Variants in PHF20 observed in about 807,000 individuals in gnomAD.
The protein encoded by PHF20 is glioma-expressed antigen 2.
PHF20 carries 23 observed loss-of-function variants against 113.5 expected under a neutral mutation model. That is an observed-to-expected ratio of 0.20 (90% confidence interval 0.15 to 0.29). The LOEUF is 0.29. PHF20 is among the 10% of genes least tolerant of loss of function. The pLI is 1.00. For synonymous variants in PHF20, 434 were observed against 457.3 expected, an observed-to-expected ratio of 0.95 and a Z score of 0.65; for missense variants, 943 against 1,219.6, an observed-to-expected ratio of 0.77 and a Z score of 3.38.
intron 17 of PHF20, among the ~76,000 whole-genome samples, chr20:35,943,016 G>A (rs1365935191): frequency 6.6e-6 from 1 of 152,002 alleles, no homozygotes; most frequent in Admixed American, 6.6e-5. Flanking sequence ...GTAGAGACAG[G>A]GTTTCACTGT....
chr20:35,939,514 A>G (rs989515436), intron 16 of PHF20, among the ~76,000 whole-genome samples: 17 of 152,232 alleles, frequency 1.1e-4, no homozygotes, highest in African/African-American at 3.6e-4. Context: ...AATTTTTTCA[A>G]TCCAGTTGTA....
intron 1 of PHF20, among the ~76,000 whole-genome samples, chr20:35,794,292 C>T (rs2041623717): frequency 6.8e-6 from 1 of 146,666 alleles, no homozygotes; most frequent in Non-Finnish European, 1.5e-5. Context: ...AAGAGCAAAA[C>T]TCTGTCTCAA....
intron 1 of PHF20, among the ~76,000 whole-genome samples, chr20:35,792,471 G>A (rs754283702): frequency 6.6e-6 from 1 of 152,092 alleles, no homozygotes; most frequent in Non-Finnish European, 1.5e-5. Context: ...TTACAGGCGT[G>A]AGCCACCGTG....
At position 35,870,979 on chromosome 20, in the gene PHF20, C is replaced by T. The variant is rs1458945046; in HGVS notation, c.947C>T (p.Ser316Leu). The T allele has an allele frequency of 5.6e-6, 9 of 1,596,716 alleles. No individual in the cohort carries two copies. In the East Asian group the frequency reaches 6.7e-5, roughly 12 times the overall value. ...NSSQEKSKNY[S>L]ENTDKDLSRR... ...GCCCAGGAAAAGTCAAAAAACTACT[C>T]GGAAAACACTGACAAAGACTTATCG... Residue 316 changes from serine to leucine, a missense_variant, in exon 8 of 18, where the codon TCG becomes TTG. Ser to Leu is a moderately radical substitution (Grantham distance 145). This residue lies in a region of PHF20 where 592 missense variants were observed against 787.2 expected (regional missense o/e 0.75). Transcript: ENST00000374012.
At chr20:35,931,908 G>A (rs2055762869) in intron 15 of PHF20, among the ~76,000 whole-genome samples, 1 of 151,628 alleles carries the variant, frequency 6.6e-6, no homozygotes. Context: ...CTGAGATCGT[G>A]CCATTGCACT....
intron 4 of PHF20, among the ~76,000 whole-genome samples, chr20:35,852,089 A>G (rs984336375): frequency 2.0e-5 from 3 of 152,166 alleles, no homozygotes; most frequent in African/African-American, 7.2e-5. Context: ...CTTATTTTGC[A>G]GATGAGGAAC....
intron 1 of PHF20, among the ~76,000 whole-genome samples, chr20:35,795,722 G>A (rs2041653961): frequency 6.6e-6 from 1 of 152,094 alleles, no homozygotes; most frequent in Non-Finnish European, 1.5e-5. Context: ...ACTGAGGTTC[G>A]ATTGCTGGCT....
intron 1 of PHF20, among the ~76,000 whole-genome samples, chr20:35,780,223 T>A (rs75053363): frequency 7.4e-6 from 1 of 134,556 alleles, no homozygotes; most frequent in Non-Finnish European, 1.6e-5. Flanking sequence ...CCAGATTTCT[T>A]TTTTTTTTTT....
intron 17 of PHF20, among the ~76,000 whole-genome samples, chr20:35,944,565 TTTTTA>T (rs1406501814): frequency 2.0e-5 from 3 of 152,160 alleles, no homozygotes; most frequent in African/African-American, 4.8e-5. Flanking sequence ...CATTTATTTA[TTTTTA>T]TTTTATTTTA....
chr20:35,839,618 A>G (rs1041584378), intron 2 of PHF20, among the ~76,000 whole-genome samples: 1 of 152,178 alleles, frequency 6.6e-6, no homozygotes, highest in Non-Finnish European at 1.5e-5. Context: ...AGATCAGACA[A>G]TTAGCCAGTC....
At chr20:35,909,411 T>C (rs1472950461) in intron 10 of PHF20, among the ~76,000 whole-genome samples, 1 of 152,036 alleles carries the variant, frequency 6.6e-6, no homozygotes, top group Non-Finnish European at 1.5e-5. Flanking sequence ...ATCTGTTGCC[T>C]AAATGAATTG....
At chr20:35,806,844 G>A (rs547946678) in intron 2 of PHF20, among the ~76,000 whole-genome samples, 2 of 137,840 alleles carry the variant, frequency 1.5e-5, no homozygotes, top group South Asian at 4.5e-4. Context: ...CGCCCAGGCT[G>A]GAGTGCAGTG....
chr20:35,917,484 A>C lies in PHF20; in HGVS notation c.1826A>C (p.Glu609Ala), dbSNP rs1033152132. Residue 609 changes from glutamate (E) to alanine (A), a missense_variant and splice_region_variant, in exon 13 of 18, where the codon GAG becomes GCG. This residue lies in a region of PHF20 where 592 missense variants were observed against 787.2 expected (regional missense o/e 0.75). Coordinates refer to ENST00000374012, the MANE Select transcript of PHF20 (RefSeq NM_016436.5). ...GHHKGKVKAL[E>A]EDNLSESSSE... ...ACTGTTGTTTTCCCTTTCCTCGTAG[A>C]GGAGGATAATTTGAGTGAGTCCTCT... The C allele has an allele frequency of 1.2e-6, 2 of 1,612,442 alleles. No individual in the cohort carries two copies. Among genetic ancestry groups the C allele is most frequent in the Admixed American group, 3.3e-5 (2 of 59,918 alleles).
intron 5 of PHF20, among the ~76,000 whole-genome samples, chr20:35,859,219 G>A (rs1568663267): frequency 6.6e-6 from 1 of 152,178 alleles, no homozygotes; most frequent in Non-Finnish European, 1.5e-5. Context: ...ACTTGCCTGA[G>A]CATGGGGCCT....
intron 13 of PHF20, 22 bp downstream of exon 13, chr20:35,917,684 C>T (rs922540386): frequency 1.0e-5 from 16 of 1,604,858 alleles, no homozygotes; most frequent in Non-Finnish European, 1.4e-5. Flanking sequence ...TTCCAGGAAA[C>T]AGGTCTAGAG....
At chr20:35,862,122 A>G (rs1266696591) in intron 5 of PHF20, among the ~76,000 whole-genome samples, 1 of 152,216 alleles carries the variant, frequency 6.6e-6, no homozygotes, top group Non-Finnish European at 1.5e-5. Context: ...GAACATAACT[A>G]AGAAGCGGTA....
In PHF20 at chr20:35,933,158, G is replaced by A. The variant is rs185909689; in HGVS notation, c.2300+1714G>A. On this transcript the variant is annotated intron_variant, in intron 15 of 17. Transcript: ENST00000374012. Reference sequence around the variant, plus strand: ...GTCTTGCTTTATTTCCCAGGCTGAAGTGCAGTGGCTACTCACAGGTGCGAT... The same window carrying A: ...GTCTTGCTTTATTTCCCAGGCTGAAATGCAGTGGCTACTCACAGGTGCGAT... Among the ~76,000 whole-genome samples, 24 of 149,540 alleles carry A rather than the reference G, an allele frequency of 1.6e-4. No homozygotes were observed. In the East Asian group the frequency reaches 3.7e-3, roughly 23 times the overall value.
At chr20:35,795,849 AATT>A (rs2041655877) in intron 1 of PHF20, among the ~76,000 whole-genome samples, 1 of 151,960 alleles carries the variant, frequency 6.6e-6, no homozygotes, top group Non-Finnish European at 1.5e-5. Context: ...ATGTAAGTTT[AATT>A]ATTATAAATT....
At chr20:35,896,657 T>C (rs1402406281) in intron 9 of PHF20, among the ~76,000 whole-genome samples, 1 of 149,114 alleles carries the variant, frequency 6.7e-6, no homozygotes, top group African/African-American at 2.5e-5. Context: ...AAAAAAAAAC[T>C]GGACGTGGTG....
Sources: allele counts gnomAD v4.1 joint callset (sites outside exome capture counted in the v4.1 genomes callset), GRCh38; gene constraint gnomAD v4.1.1; regional missense constraint gnomAD v4.1.1; transcripts MANE v1.5; gene names NCBI Gene and HGNC (gene_info 2026-07-23, HGNC 2026-07-21).